The following AGBL4 variants were observed in gnomAD, a reference collection of about 807,000 sequenced individuals.
The protein encoded by AGBL4 is cytosolic carboxypeptidase 6.
AGBL4 carries 58 observed loss-of-function variants against 66.4 expected under a neutral mutation model. That is an observed-to-expected ratio of 0.87 (90% CI 0.71 to 1.09). The LOEUF is 1.09. Among genes scored for constraint, AGBL4 ranks in the 50% least tolerant of loss-of-function variants. The pLI, the probability that AGBL4 is intolerant of heterozygous loss-of-function variation, is 0.00. For synonymous variants in AGBL4, 234 were observed against 222.9 expected, an observed-to-expected ratio of 1.05 and a Z score of -0.44; for missense variants, 579 against 631.0, an observed-to-expected ratio of 0.92 and a Z score of 0.88.
At chr1:49,592,771 G>C (rs1020937629) in intron 3 of AGBL4, among the ~76,000 whole-genome samples, 1 of 152,150 alleles carries the variant, frequency 6.6e-6, no homozygotes, top group South Asian at 2.1e-4. Flanking sequence ...GAAAGAAAAT[G>C]CATATATACT....
chr1:49,724,899 G>A (rs1490003294), intron 2 of AGBL4, among the ~76,000 whole-genome samples: 1 of 152,030 alleles, frequency 6.6e-6, no homozygotes, highest in Non-Finnish European at 1.5e-5. Context: ...CTCCAGAAAT[G>A]TGAGAAAATA....
chr1:49,766,337 C>T (rs1652729466), intron 2 of AGBL4, among the ~76,000 whole-genome samples: 1 of 152,060 alleles, frequency 6.6e-6, no homozygotes, highest in South Asian at 2.1e-4. Context: ...TCCTGCCAAA[C>T]TAAGCTTATA....
intron 6 of AGBL4, among the ~76,000 whole-genome samples, chr1:48,808,608 T>C (rs1645982292): frequency 6.6e-6 from 1 of 151,966 alleles, no homozygotes; most frequent in Non-Finnish European, 1.5e-5. Flanking sequence ...GAGATCACAG[T>C]TGGAAAGATA....
intron 11 of AGBL4, among the ~76,000 whole-genome samples, chr1:48,556,025 A>G (rs1421189926): frequency 6.6e-6 from 1 of 152,066 alleles, no homozygotes; most frequent in East Asian, 1.9e-4. Context: ...TGCCCTTCTT[A>G]GTAGTAATGT....
chr1:49,845,443 C>G (rs942784256), intron 2 of AGBL4: 1 of 1,476,458 alleles, frequency 6.8e-7, no homozygotes, highest in Non-Finnish European at 9.5e-7. Flanking sequence ...AGCCTTCCAG[C>G]AAAGCATCCA....
intron 1 of AGBL4, among the ~76,000 whole-genome samples, chr1:49,913,801 T>C (rs975971202): frequency 1.3e-5 from 2 of 152,164 alleles, no homozygotes; most frequent in Admixed American, 6.5e-5. Context: ...TCTAGAGCAG[T>C]GTATTGAGCC....
chr1:49,179,467 A>G (rs770076842), intron 4 of AGBL4, among the ~76,000 whole-genome samples: 1 of 152,106 alleles, frequency 6.6e-6, no homozygotes, highest in Non-Finnish European at 1.5e-5. Flanking sequence ...TGGTTTTGGT[A>G]TTCCTGGTGC....
intron 3 of AGBL4, among the ~76,000 whole-genome samples, chr1:49,565,491 C>A (rs1019308069): frequency 2.0e-5 from 3 of 152,104 alleles, no homozygotes; most frequent in Non-Finnish European, 4.4e-5. Flanking sequence ...TCTTTTAGGG[C>A]AGGCCTGGTG....
intron 4 of AGBL4, among the ~76,000 whole-genome samples, chr1:49,074,812 CAT>C (rs1300524140): frequency 6.6e-6 from 1 of 152,124 alleles, no homozygotes; most frequent in African/African-American, 2.4e-5. Flanking sequence ...CTTCTACAAG[CAT>C]ATGATTCCAA....
intron 4 of AGBL4, among the ~76,000 whole-genome samples, chr1:49,051,481 C>T (rs1289342037): frequency 6.6e-6 from 1 of 152,152 alleles, no homozygotes; most frequent in Non-Finnish European, 1.5e-5. Context: ...TGTAGTTTCT[C>T]AGGCATATTT....
chr1:49,514,868 C>G (rs965663754), intron 3 of AGBL4, among the ~76,000 whole-genome samples: 5 of 152,046 alleles, frequency 3.3e-5, no homozygotes, highest in Non-Finnish European at 4.4e-5. Context: ...CTTCCTTACA[C>G]CTTATACAAA....
intron 6 of AGBL4, among the ~76,000 whole-genome samples, chr1:48,753,538 A>G (rs571795431): frequency 6.6e-6 from 1 of 152,340 alleles, no homozygotes; most frequent in African/African-American, 2.4e-5. Context: ...CGGACCTTGG[A>G]CAGCACACAA....
intron 1 of AGBL4, among the ~76,000 whole-genome samples, chr1:50,008,240 C>A (rs188046076): frequency 7.2e-5 from 11 of 152,312 alleles, no homozygotes; most frequent in African/African-American, 2.6e-4. Flanking sequence ...GCATATGCCT[C>A]ATTCTCAAGG....
At chr1:49,072,508 T>C (rs1571378332) in intron 4 of AGBL4, among the ~76,000 whole-genome samples, 1 of 152,308 alleles carries the variant, frequency 6.6e-6, no homozygotes, top group East Asian at 1.9e-4. Flanking sequence ...TGAAGCTTAG[T>C]TTGGCTAGAT....
chr1:49,565,867 G>T (rs939367302), intron 3 of AGBL4, among the ~76,000 whole-genome samples: 9 of 152,162 alleles, frequency 5.9e-5, no homozygotes, highest in African/African-American at 1.9e-4. Context: ...CATTGGGGAA[G>T]TTCTCCTGGA....
At chr1:48,599,116 G>T (rs1569949461) in intron 9 of AGBL4, among the ~76,000 whole-genome samples, 1 of 152,096 alleles carries the variant, frequency 6.6e-6, no homozygotes, top group Non-Finnish European at 1.5e-5. Flanking sequence ...ACACTGGAAG[G>T]TCTTCAGGGA....
chr1:48,637,636 T>C (rs1191616109), intron 8 of AGBL4, among the ~76,000 whole-genome samples: 1 of 152,192 alleles, frequency 6.6e-6, no homozygotes, highest in Non-Finnish European at 1.5e-5. Context: ...TGTGCAGCAG[T>C]GCTGCTGTGG....
At chr1:49,048,611 G>C (rs778731165) in intron 4 of AGBL4, among the ~76,000 whole-genome samples, 2 of 152,030 alleles carry the variant, frequency 1.3e-5, no homozygotes, top group Non-Finnish European at 2.9e-5. Flanking sequence ...AAAGCAAAGG[G>C]GGCTGAAACT....
chr1:49,399,689 G>T (rs1405781054), intron 3 of AGBL4, among the ~76,000 whole-genome samples: 1 of 151,826 alleles, frequency 6.6e-6, no homozygotes, highest in African/African-American at 2.4e-5. Flanking sequence ...TTTAATCACG[G>T]TATTAGCTTT....
Sources: gnomAD v4.1 joint callset for allele counts (sites outside exome capture counted in the v4.1 genomes callset) on GRCh38, gnomAD v4.1.1 for gene constraint, MANE v1.5 for transcripts, NCBI Gene and HGNC (gene_info 2026-07-23, HGNC 2026-07-21) for gene names.